The following VEPH1 variants were observed in gnomAD, a reference collection of about 807,000 sequenced individuals.
The protein encoded by VEPH1 is ventricular zone expressed PH domain containing 1.
A neutral mutation model predicts 85.2 loss-of-function variants in VEPH1; 80 were observed. The observed-to-expected ratio is 0.94, with a 90% CI of 0.78 to 1.13. The LOEUF is 1.13. VEPH1 is among the 50% of genes most tolerant of loss of function. The pLI is 0.00. For missense variants in VEPH1, 955 were observed against 980.5 expected (o/e 0.97, Z 0.35); for synonymous variants, 297 against 348.0 (o/e 0.85, Z 1.63).
chr3:157,438,339 T>C (rs1160898312), intron 4 of VEPH1, among the ~76,000 whole-genome samples: 1 of 152,022 alleles, frequency 6.6e-6, no homozygotes, highest in Non-Finnish European at 1.5e-5. Context: ...TTATCCTGCC[T>C]CTGTCTTTAG....
intron 1 of VEPH1, among the ~76,000 whole-genome samples, chr3:157,502,066 A>G (rs1351384496): frequency 1.3e-5 from 2 of 152,150 alleles, no homozygotes; most frequent in Non-Finnish European, 1.5e-5. Context: ...CAAGATGTCT[A>G]TTGTTCCCTG....
chr3:157,424,022 T>C (rs1732551818), intron 5 of VEPH1, among the ~76,000 whole-genome samples: 1 of 152,172 alleles, frequency 6.6e-6, no homozygotes, highest in Non-Finnish European at 1.5e-5. Flanking sequence ...TTGGTTGATA[T>C]GGTTTGGCTC....
At chr3:157,479,594 G>A (rs1215741857) in intron 2 of VEPH1, among the ~76,000 whole-genome samples, 5 of 152,130 alleles carry the variant, frequency 3.3e-5, no homozygotes, top group African/African-American at 1.2e-4. Context: ...GAAAAGAATG[G>A]AGAGTCCTAA....
chr3:157,449,299 G>A (rs932806287), intron 4 of VEPH1, among the ~76,000 whole-genome samples: 11 of 152,138 alleles, frequency 7.2e-5, no homozygotes, highest in Non-Finnish European at 1.5e-4. Flanking sequence ...CTTGTTTGCT[G>A]AGAGATTTTT....
intron 5 of VEPH1, among the ~76,000 whole-genome samples, chr3:157,419,631 C>T (rs1215305949): frequency 6.6e-6 from 1 of 152,160 alleles, no homozygotes; most frequent in Non-Finnish European, 1.5e-5. Context: ...GATGCTGTCT[C>T]ACGCCAGTCA....
At chr3:157,460,973 T>A (rs1044442513) in intron 3 of VEPH1, among the ~76,000 whole-genome samples, 33 of 152,082 alleles carry the variant, frequency 2.2e-4, no homozygotes, top group African/African-American at 8.0e-4. Flanking sequence ...ATAACAGGAA[T>A]CACTTGTCAG....
chr3:157,480,809 T>C (rs1297086983), intron 2 of VEPH1, among the ~76,000 whole-genome samples: 1 of 152,178 alleles, frequency 6.6e-6, no homozygotes, highest in Non-Finnish European at 1.5e-5. Context: ...TTTGAGTATA[T>C]ACCCAGTAAT....
chr3:157,475,866 G>A (rs1303113992), intron 2 of VEPH1, among the ~76,000 whole-genome samples: 2 of 152,218 alleles, frequency 1.3e-5, no homozygotes, highest in Non-Finnish European at 2.9e-5. Context: ...TGTGGCAAGA[G>A]AAATGGCTTG....
intron 13 of VEPH1, 107 bp downstream of exon 13, chr3:157,265,419 T>C: frequency 7.9e-7 from 1 of 1,261,036 alleles, no homozygotes; most frequent in East Asian, 2.4e-5. Context: ...GATGGTGAAA[T>C]GGAGATGGAA....
At chr3:157,436,996 T>C in intron 4 of VEPH1, 2 of 1,614,090 alleles carry the variant, frequency 1.2e-6, no homozygotes, top group South Asian at 2.2e-5. Flanking sequence ...AGAACTCGGA[T>C]GATTATGATC....
At chr3:157,442,835 A>C (rs750897675) in intron 4 of VEPH1, 1 of 1,614,236 alleles carries the variant, frequency 6.2e-7, no homozygotes, top group South Asian at 1.1e-5. Context: ...GGAGACTCAC[A>C]GGCTTCAATA....
At chr3:157,434,822 G>A (rs1017404818) in intron 4 of VEPH1, among the ~76,000 whole-genome samples, 9 of 150,960 alleles carry the variant, frequency 6.0e-5, no homozygotes, top group East Asian at 5.8e-4. Context: ...CCTTCTATTC[G>A]GATGCCTATG....
At chr3:157,327,122 C>G (rs1453094731) in intron 9 of VEPH1, among the ~76,000 whole-genome samples, 1 of 152,090 alleles carries the variant, frequency 6.6e-6, no homozygotes, top group Non-Finnish European at 1.5e-5. Flanking sequence ...AGGGAGACCC[C>G]TGGACCGGCC....
At chr3:157,264,584 G>C (rs1004812004) in intron 13 of VEPH1, among the ~76,000 whole-genome samples, 3 of 152,174 alleles carry the variant, frequency 2.0e-5, no homozygotes, top group Non-Finnish European at 2.9e-5. Context: ...AACACTGCCT[G>C]ATCTTGACCC....
chr3:157,276,976 G>A (rs1052556761), intron 12 of VEPH1, among the ~76,000 whole-genome samples: 5 of 151,236 alleles, frequency 3.3e-5, no homozygotes, highest in African/African-American at 1.2e-4. Context: ...TCACTGCAAC[G>A]TCTGGCTCCC....
intron 1 of VEPH1, among the ~76,000 whole-genome samples, chr3:157,502,319 A>G (rs1280936027): frequency 6.6e-6 from 1 of 152,238 alleles, no homozygotes; most frequent in Admixed American, 6.5e-5. Flanking sequence ...AACTTATTAA[A>G]ACACAAATAG....
intron 5 of VEPH1, among the ~76,000 whole-genome samples, chr3:157,421,759 G>A (rs910048886): frequency 3.9e-5 from 6 of 152,122 alleles, no homozygotes; most frequent in African/African-American, 1.4e-4. Flanking sequence ...AGCCGAGGGA[G>A]GCAAGTGGAG....
chr3:157,443,979 G>A (rs540521000), intron 4 of VEPH1, among the ~76,000 whole-genome samples: 79 of 152,252 alleles, frequency 5.2e-4, no homozygotes, highest in Non-Finnish European at 8.5e-4. Context: ...TGCAAGACAT[G>A]GCTTAGGAAT....
At chr3:157,338,936 G>A (rs1293348132) in intron 9 of VEPH1, among the ~76,000 whole-genome samples, 1 of 152,186 alleles carries the variant, frequency 6.6e-6, no homozygotes, top group Non-Finnish European at 1.5e-5. Flanking sequence ...TGTGCCTAGT[G>A]CTGTGCCAGA....
Sources: allele counts gnomAD v4.1 joint callset (sites outside exome capture counted in the v4.1 genomes callset), GRCh38; gene constraint gnomAD v4.1.1; transcripts MANE v1.5; gene names NCBI Gene and HGNC (gene_info 2026-07-23, HGNC 2026-07-21).